The following SSBP3 variants were observed in gnomAD, a reference collection of about 807,000 sequenced individuals.
SSBP3 encodes the protein single stranded DNA binding protein 3.
Under a neutral mutation model 69.6 loss-of-function variants are expected in SSBP3, and 5 were observed. The observed-to-expected ratio is 0.07, with a 90% CI of 0.04 to 0.15. The LOEUF is 0.15. Among genes scored for constraint, SSBP3 ranks in the 10% least tolerant of loss-of-function variants. SSBP3 has a pLI of 1.00. For missense variants in SSBP3, 312 were observed against 534.0 expected, an observed-to-expected ratio of 0.58 and a Z score of 4.10; for synonymous variants, 196 against 193.4, an observed-to-expected ratio of 1.01 and a Z score of -0.11.
chr1:54,329,786 G>A (rs772920131), intron 4 of SSBP3, among the ~76,000 whole-genome samples: 4 of 152,190 alleles, frequency 2.6e-5, no homozygotes, highest in South Asian at 2.1e-4. Context: ...CGGCCCAGCC[G>A]CTCCCCTCCC....
intron 4 of SSBP3, among the ~76,000 whole-genome samples, chr1:54,397,171 T>C (rs1028447807): frequency 6.6e-5 from 10 of 152,234 alleles, no homozygotes; most frequent in African/African-American, 2.4e-4. Flanking sequence ...TCTGGGCAGA[T>C]AGCTAGCCTG....
chr1:54,394,787 C>T, intron 4 of SSBP3, among the ~76,000 whole-genome samples: 1 of 150,004 alleles, frequency 6.7e-6, no homozygotes, highest in Non-Finnish European at 1.5e-5. Flanking sequence ...ACTGCAACCT[C>T]CGCCTCCTGG....
At chr1:54,373,146 C>A (rs888597251) in intron 4 of SSBP3, among the ~76,000 whole-genome samples, 5 of 152,166 alleles carry the variant, frequency 3.3e-5, no homozygotes, top group African/African-American at 7.2e-5. Flanking sequence ...CATTGCTTCA[C>A]CTTCTTCCCT....
At chr1:54,299,938 G>T (rs905310305) in intron 4 of SSBP3, among the ~76,000 whole-genome samples, 1 of 151,946 alleles carries the variant, frequency 6.6e-6, no homozygotes, top group Non-Finnish European at 1.5e-5. Flanking sequence ...CTCCTTCCCT[G>T]AACACTGCAT....
At chr1:54,288,804 G>A (rs563781748) in intron 4 of SSBP3, among the ~76,000 whole-genome samples, 32 of 151,890 alleles carry the variant, frequency 2.1e-4, no homozygotes, top group Non-Finnish European at 4.1e-4. Context: ...GGATCACAAG[G>A]TCAGGAGATC....
intron 4 of SSBP3, among the ~76,000 whole-genome samples, chr1:54,381,654 A>G (rs1647663429): frequency 6.6e-6 from 1 of 152,162 alleles, no homozygotes; most frequent in South Asian, 2.1e-4. Flanking sequence ...CCAAGTCCAC[A>G]CCCACCCACG....
intron 14 of SSBP3, among the ~76,000 whole-genome samples, chr1:54,235,985 G>T (rs925458236): frequency 8.5e-5 from 13 of 152,186 alleles, no homozygotes; most frequent in South Asian, 4.1e-4. Context: ...GCTGTATGAG[G>T]TTTTGTGGCC....
At chr1:54,302,016 G>A (rs2101003538) in intron 4 of SSBP3, among the ~76,000 whole-genome samples, 1 of 152,218 alleles carries the variant, frequency 6.6e-6, no homozygotes, top group Non-Finnish European at 1.5e-5. Flanking sequence ...AATCCTCTCT[G>A]GATTCTCCTA....
rs560535690 is a variant in SSBP3, at chr1:54,375,038, A to C, written c.276+26823T>G. ...AACCTTATCCTGGGGCAAGCCAAAA[A>C]AGGCAGTAGAGGAGGCTGGGCCAGG... On this transcript the variant is annotated intron_variant, in intron 4 of 17. Transcript: ENST00000610401. 7.2e-5 allele frequency among the ~76,000 whole-genome samples: 11 copies of C among 152,186 alleles called. No homozygotes were observed. In the South Asian group the frequency reaches 2.1e-3, roughly 29 times the overall value.
intron 7 of SSBP3, among the ~76,000 whole-genome samples, chr1:54,254,610 C>A (rs1644887325): frequency 6.6e-6 from 1 of 152,186 alleles, no homozygotes; most frequent in South Asian, 2.1e-4. Context: ...GCCTGTGAGC[C>A]CCAGCAAGTC....
rs532793082 is a variant in SSBP3 at position 54,285,698 on chromosome 1, C to T, written c.277-4171G>A. Among the ~76,000 whole-genome samples the T allele has an allele frequency of 5.9e-5, 9 of 152,170 alleles. No individual in the cohort carries two copies. In the South Asian group the frequency reaches 1.2e-3, roughly 21 times the overall value. ...ACTTTGAGCTGGAGCTCCATTAAGG[C>T]GCTCAGCAAAGCGTCTCATGAGTTT... On this transcript the variant is annotated intron_variant, in intron 4 of 17. Coordinates refer to ENST00000610401, the Ensembl canonical transcript of SSBP3.
At chr1:54,313,662 G>A (rs545310559) in intron 4 of SSBP3, among the ~76,000 whole-genome samples, 1 of 152,176 alleles carries the variant, frequency 6.6e-6, no homozygotes, top group Admixed American at 6.5e-5. Context: ...GCCGTAGGCT[G>A]CCCATCACTT....
At chr1:54,340,463 C>T (rs1486948156) in intron 4 of SSBP3, among the ~76,000 whole-genome samples, 1 of 152,188 alleles carries the variant, frequency 6.6e-6, no homozygotes, top group African/African-American at 2.4e-5. Flanking sequence ...TGGGCATATG[C>T]CTGTCCAGGG....
chr1:54,334,452 AG>A (rs1226243603), intron 4 of SSBP3, among the ~76,000 whole-genome samples: 1 of 152,220 alleles, frequency 6.6e-6, no homozygotes, highest in Non-Finnish European at 1.5e-5. Flanking sequence ...CATTTCCTTC[AG>A]TGTTTCTCCA....
At chr1:54,376,731 C>T (rs959806750) in intron 4 of SSBP3, among the ~76,000 whole-genome samples, 1 of 152,172 alleles carries the variant, frequency 6.6e-6, no homozygotes, top group Admixed American at 6.5e-5. Flanking sequence ...CCACCACCAG[C>T]GCATCAAAGG....
intron 4 of SSBP3, among the ~76,000 whole-genome samples, chr1:54,370,100 C>A (rs1647103345): frequency 6.6e-6 from 1 of 152,176 alleles, no homozygotes; most frequent in South Asian, 2.1e-4. Context: ...AGGGTCACCA[C>A]CTGGCACTCC....
Position 54,316,650 on chromosome 1 carries a change from AAAAAAAAAATAAAATAAAT to A in SSBP3, c.277-35142_277-35124del, listed in dbSNP as rs1448725331. 1.6e-4 allele frequency among the ~76,000 whole-genome samples: 8 copies of A among 51,130 alleles called. No individual in the cohort carries two copies. In the Admixed American group the frequency reaches 2.0e-3, roughly 13 times the overall value. 33.5% of individuals were successfully genotyped at this position (51,130 alleles called of 152,430 possible). A position where few individuals can be genotyped will look rare whatever the true frequency, so the allele number is the denominator to read the frequency against. ...GCGACAGAGCGAGACTCCGTCTCAA[AAAAAAAAAATAAAATAAAT>A]AAATAAATAAATAAATAAATAAATA... On this transcript the variant is annotated intron_variant, in intron 4 of 17. Coordinates refer to ENST00000610401, the Ensembl canonical transcript of SSBP3.
chr1:54,380,661 C>G (rs1198143927), intron 4 of SSBP3, among the ~76,000 whole-genome samples: 2 of 152,168 alleles, frequency 1.3e-5, no homozygotes, highest in African/African-American at 4.8e-5. Context: ...GACAAACTCG[C>G]TGACTCACCG....
intron 4 of SSBP3, among the ~76,000 whole-genome samples, chr1:54,384,125 A>AAAAAAAAAAAAAAT (rs1647898283): frequency 7.3e-6 from 1 of 136,318 alleles, no homozygotes; most frequent in African/African-American, 2.9e-5. Context: ...AAAAAAAAAA[A>AAAAAAAAAAAAAAT]GCAAGAACTG....
Sources: allele counts gnomAD v4.1 joint callset (sites outside exome capture counted in the v4.1 genomes callset), GRCh38; gene constraint gnomAD v4.1.1; transcripts MANE v1.5; gene names NCBI Gene and HGNC (gene_info 2026-07-23, HGNC 2026-07-21).